The following SEMA3A variants were observed in gnomAD, a reference collection of about 807,000 sequenced individuals.
SEMA3A encodes semaphorin-3A.
Under a neutral mutation model 97.9 loss-of-function variants are expected in SEMA3A, and 29 were observed. The observed-to-expected ratio is 0.30, with a 90% CI of 0.22 to 0.40. SEMA3A has a LOEUF of 0.40. Ranked by LOEUF, SEMA3A falls within the 10% of genes least tolerant of loss-of-function variation. The probability of loss-of-function intolerance (pLI) is 1.00; values close to 1 mark genes in which losing one functional copy is unlikely to be tolerated. For missense variants in SEMA3A, 763 were observed against 951.3 expected (o/e 0.80, Z 2.60); for synonymous variants, 321 against 323.7 (o/e 0.99, Z 0.09).
At chr7:84,427,332 C>G (rs553846053) in intron 1 of SEMA3A, among the ~76,000 whole-genome samples, 1 of 151,970 alleles carries the variant, frequency 6.6e-6, no homozygotes, top group African/African-American at 2.4e-5. Flanking sequence ...GAAACAAATG[C>G]TTGGTTGTTA....
At chr7:84,355,130 A>G (rs1802526758) in intron 2 of SEMA3A, among the ~76,000 whole-genome samples, 1 of 151,832 alleles carries the variant, frequency 6.6e-6, no homozygotes, top group East Asian at 1.9e-4. Flanking sequence ...AACTGCTTTG[A>G]CCAGAAACCA....
intron 1 of SEMA3A, among the ~76,000 whole-genome samples, chr7:84,154,605 G>C (rs537888494): frequency 6.6e-6 from 1 of 150,646 alleles, no homozygotes; most frequent in South Asian, 2.1e-4. Context: ...GAACCTGGGA[G>C]GTGGAGGTTG....
chr7:84,315,110 C>T (rs1286253941), intron 2 of SEMA3A, among the ~76,000 whole-genome samples: 15 of 151,948 alleles, frequency 9.9e-5, no homozygotes, highest in Non-Finnish European at 2.2e-4. Context: ...GGGTAATTAA[C>T]CTTACCAATA....
chr7:84,479,127 C>T (rs1196533083), intron 1 of SEMA3A, among the ~76,000 whole-genome samples: 4 of 152,054 alleles, frequency 2.6e-5, no homozygotes, highest in Admixed American at 2.6e-4. Context: ...ATAATAAAGA[C>T]ATTCTACTAA....
At chr7:84,365,587 A>AT (rs1311641398) in intron 2 of SEMA3A, among the ~76,000 whole-genome samples, 16 of 151,320 alleles carry the variant, frequency 1.1e-4, no homozygotes, top group Non-Finnish European at 1.0e-4. Flanking sequence ...TATTATTATT[A>AT]TTTTTTCCAC....
At chr7:84,283,247 T>A (rs1430180138) in intron 3 of SEMA3A, among the ~76,000 whole-genome samples, 3 of 152,020 alleles carry the variant, frequency 2.0e-5, no homozygotes, top group Admixed American at 2.0e-4. Context: ...AGTATACCGA[T>A]GAACACATAC....
chr7:84,249,412 T>TATCA (rs1799554815), intron 3 of SEMA3A, among the ~76,000 whole-genome samples: 1 of 151,188 alleles, frequency 6.6e-6, no homozygotes, highest in Non-Finnish European at 1.5e-5. Flanking sequence ...TCTATCTATC[T>TATCA]ATCTATCATC....
chr7:84,157,690 T>C (rs1241930001), intron 1 of SEMA3A, among the ~76,000 whole-genome samples: 1 of 152,210 alleles, frequency 6.6e-6, no homozygotes, highest in African/African-American at 2.4e-5. Context: ...TGGAAAGTCA[T>C]TGTTAACTCC....
intron 2 of SEMA3A, among the ~76,000 whole-genome samples, chr7:84,308,383 G>A (rs1424755184): frequency 6.6e-5 from 10 of 152,146 alleles, no homozygotes; most frequent in Non-Finnish European, 4.4e-5. Flanking sequence ...AAACTCAAAT[G>A]TCAATACCAT....
chr7:84,444,260 T>C (rs1300796191), intron 1 of SEMA3A, among the ~76,000 whole-genome samples: 1 of 152,164 alleles, frequency 6.6e-6, no homozygotes, highest in Non-Finnish European at 1.5e-5. Context: ...GAAGAAATCA[T>C]ACAGGATCTT....
Position 84,301,228 on chromosome 7 carries a change from A to C in SEMA3A, c.-83+5979T>G, listed in dbSNP as rs79473052. Among the ~76,000 whole-genome samples the C allele has an allele frequency of 0.013, 1,907 of 152,208 alleles. 61 individuals are homozygous for C. The East Asian group carries it at 0.14, about 12-fold the overall frequency. On this transcript the variant is annotated intron_variant, in intron 3 of 3. Coordinates refer to the SEMA3A transcript ENST00000424555. ...CAATAGCACAAGTAAAAAAATAAGA[A>C]GAAAAACATATTGTACTTCATCAAT...
chr7:84,050,177 G>A (rs1259310029), intron 5 of SEMA3A, among the ~76,000 whole-genome samples: 4 of 151,950 alleles, frequency 2.6e-5, no homozygotes, highest in African/African-American at 7.3e-5. Context: ...ATAAACATAC[G>A]TGTGCATGTG....
rs371082897 is a variant in SEMA3A at position 83,984,608 on chromosome 7, CTTTTTTT to C, written c.1494+821_1494+827del. 4.6e-3 allele frequency among the ~76,000 whole-genome samples: 451 copies of C among 98,890 alleles called. 2 individuals are homozygous for C. Among genetic ancestry groups the C allele is most frequent in the African/African-American group, 0.015 (406 of 27,470 alleles). 64.9% of individuals were successfully genotyped at this position (98,890 alleles called of 152,430 possible). On this transcript the variant is annotated intron_variant, in intron 13 of 16. Transcript: ENST00000265362. The stretch of plus-strand genomic sequence containing the variant: ...CCCTACTTCATTCTGGATTTTTCTG[CTTTTTTT>C]TTTTTTTTTTTTTTTTGAAGTTACC...
intron 1 of SEMA3A, among the ~76,000 whole-genome samples, chr7:84,153,090 A>G (rs1226521194): frequency 2.0e-5 from 3 of 152,178 alleles, no homozygotes; most frequent in African/African-American, 7.2e-5. Context: ...CACCTCATTT[A>G]GTAAATCAGA....
chr7:84,418,772 G>A (rs1804503938), intron 1 of SEMA3A, among the ~76,000 whole-genome samples: 1 of 151,900 alleles, frequency 6.6e-6, no homozygotes, highest in Non-Finnish European at 1.5e-5. Flanking sequence ...CTGGTTTTCA[G>A]GCTTTGGGAC....
chr7:84,489,408 G>A (rs573030019), intron 1 of SEMA3A, among the ~76,000 whole-genome samples: 41 of 152,144 alleles, frequency 2.7e-4, no homozygotes, highest in Non-Finnish European at 5.0e-4. Flanking sequence ...TAACCACTCC[G>A]TTTTCACATT....
At chr7:84,366,199 T>G (rs1264293998) in intron 2 of SEMA3A, among the ~76,000 whole-genome samples, 1 of 151,416 alleles carries the variant, frequency 6.6e-6, no homozygotes, top group Admixed American at 6.6e-5. Flanking sequence ...GATTTAATTT[T>G]ATGTTAGCCA....
At chr7:84,174,754 G>A (rs1392213818) in intron 1 of SEMA3A, among the ~76,000 whole-genome samples, 1 of 152,102 alleles carries the variant, frequency 6.6e-6, no homozygotes, top group African/African-American at 2.4e-5. Context: ...TAGTATTCTT[G>A]TAGTTCTAAT....
intron 1 of SEMA3A, among the ~76,000 whole-genome samples, chr7:84,400,701 G>A (rs959324456): frequency 5.3e-5 from 8 of 152,146 alleles, no homozygotes; most frequent in Admixed American, 1.3e-4. Context: ...AGAAATAGGG[G>A]TAGAAAGTTT....
Sources: gnomAD v4.1 joint callset for allele counts (sites outside exome capture counted in the v4.1 genomes callset) on GRCh38, gnomAD v4.1.1 for gene constraint, MANE v1.5 for transcripts, NCBI Gene and HGNC (gene_info 2026-07-23, HGNC 2026-07-21) for gene names.